The following TTN variants were observed in gnomAD, a reference collection of about 807,000 sequenced individuals.
TTN encodes titin, also known as connectin.
Under a neutral mutation model 3,223.0 loss-of-function variants are expected in TTN, and 1,525 were observed. That is an observed-to-expected ratio of 0.47 (90% CI 0.45 to 0.49). The LOEUF (loss-of-function observed/expected upper bound fraction) is 0.49. Among genes scored for constraint, TTN ranks in the 20% least tolerant of loss-of-function variants. The pLI, the probability that TTN is intolerant of heterozygous loss-of-function variation, is 0.00. For synonymous variants in TTN, 14,094 were observed against 15,161.0 expected (o/e 0.93, Z 5.17); for missense variants, 40,786 against 43,424.0 (o/e 0.94, Z 5.40).
intron 157 of TTN, 37 bp from the exon 158 acceptor site, chr2:178,669,712 A>T: frequency 6.3e-7 from 1 of 1,599,178 alleles, no homozygotes; most frequent in South Asian, 1.1e-5. Context: ...TTTTCAGAAC[A>T]TTATAGTTGG....
In TTN at chr2:178,563,678, G is replaced by T; in HGVS notation, c.82454C>A (p.Ser27485Tyr). 6.2e-7 allele frequency: 1 copy of T among 1,613,722 alleles called. No homozygotes were observed. Among genetic ancestry groups the T allele is most frequent in the Non-Finnish European group, 8.5e-7 (1 of 1,179,752 alleles). Residue 27485 changes from serine (S) to tyrosine (Y), a missense_variant, in exon 326 of 363, where the codon TCT (serine) becomes TAT (tyrosine). By Grantham distance (144) the Ser-to-Tyr change is moderately radical (BLOSUM62 -2). Coordinates refer to ENST00000589042, the MANE Select transcript of TTN (RefSeq NM_001267550.2). The surrounding 1 kb of genome is among the most constrained non-coding windows in gnomAD (Gnocchi z 4.5). Reference sequence around the variant, plus strand: ...TGGGCGTGCCCATGTTACTACCATAGAATCTTTGGTGATTGCTGAGACTTC... The same window carrying T: ...TGGGCGTGCCCATGTTACTACCATATAATCTTTGGTGATTGCTGAGACTTC... ...TPEVSAITKD[S>Y]MVVTWARPVD...
Position 178,612,821 on chromosome 2 carries a change from T to C in TTN, c.49900A>G (p.Ser16634Gly), listed in dbSNP as rs2056591982. ...GGGTCACTGGGTTCACTGGGTTCAC[T>C]TTCCCCAGCCTTATTCACAGCTCTA... ...RVRAVNKAGE[S>G]EPSEPSDPVL... is the part of the protein sequence containing the mutation. The change falls in exon 265 of 363, where the codon AGT becomes GGT. Residue 16634 changes from serine (S) to glycine (G), a missense_variant. Physicochemically the swap from Ser to Gly is moderately conservative, Grantham distance 56. Transcript: ENST00000589042. 6.2e-7 allele frequency: 1 copy of C among 1,612,414 alleles called. No individual in the cohort carries two copies. Among genetic ancestry groups the C allele is most frequent in the Non-Finnish European group, 8.5e-7 (1 of 1,179,160 alleles).
chr2:178,630,925 A>T lies in TTN; in HGVS notation c.44033T>A (p.Val14678Glu). The T allele has an allele frequency of 6.2e-7, 1 of 1,611,652 alleles. No individual in the cohort carries two copies. Among genetic ancestry groups the T allele is most frequent in the Non-Finnish European group, 8.5e-7 (1 of 1,179,156 alleles). Residue 14678 changes from valine to glutamate, a missense_variant, in exon 238 of 363, where the codon GTG becomes GAG. Physicochemically the swap from Val to Glu is moderately radical, Grantham distance 121. Coordinates refer to ENST00000589042, the MANE Select transcript of TTN (RefSeq NM_001267550.2). ...CACCTCCACACTGTGCAGGGGTCGC[A>T]CCAGTTTAATTTCCCGATCTAGAAA... ...LDIEDREIKL[V>E]RPLHSVEVME...
chr2:178,608,244 C>T lies in TTN; in HGVS notation c.52639G>A (p.Glu17547Lys). Reference protein sequence around the residue: ...GLTYVFRVCAENAAGPGKFSP... With the variant: ...GLTYVFRVCAKNAAGPGKFSP... ...AACTTTCCAGGTCCAGCTGCATTTT[C>T]AGCACATACTCTGAAGACATAGGTG... Residue 17547 changes from glutamate to lysine, a missense_variant, in exon 275 of 363, where the codon GAA becomes AAA. By Grantham distance (56) the Glu-to-Lys change is moderately conservative. Transcript: ENST00000589042. 4 of 1,607,688 alleles carry T rather than the reference C, an allele frequency of 2.5e-6. No individual in the cohort carries two copies. The highest frequency in any genetic ancestry group is 2.6e-6 in the Non-Finnish European group (3 of 1,176,414).
At chr2:178,751,150 G>A (rs747688820) in intron 47 of TTN, 6 of 1,612,602 alleles carry the variant, frequency 3.7e-6, no homozygotes, top group Non-Finnish European at 5.1e-6. Flanking sequence ...ACATAGATCT[G>A]ATTTTCATGT....
In TTN at chr2:178,568,379, G is replaced by A. The variant is rs1484655947; in HGVS notation, c.77753C>T (p.Thr25918Ile). ...ITLSWNPPLY[T>I]GGCQITNYIV... ...GTAGTTGGTGATTTGGCAGCCCCCT[G>A]TATATAATGGAGGGTTCCAAGATAA... The change falls in exon 326 of 363, where the codon ACA becomes ATA. Residue 25918 changes from threonine (T) to isoleucine (I), a missense_variant. Physicochemically the swap from Thr to Ile is moderately conservative, Grantham distance 89. Coordinates refer to ENST00000589042, the MANE Select transcript of TTN (RefSeq NM_001267550.2). The A allele has an allele frequency of 1.5e-5, 24 of 1,613,172 alleles. No homozygotes were observed. Among genetic ancestry groups the A allele is most frequent in the Non-Finnish European group, 1.9e-5 (23 of 1,179,514 alleles).
chr2:178,802,638 G>T (rs1227572073), intron 2 of TTN, among the ~76,000 whole-genome samples: 1 of 152,164 alleles, frequency 6.6e-6, no homozygotes, highest in East Asian at 1.9e-4. Context: ...CCTGCCTAGG[G>T]CTCTATCTGA....
At chr2:178,628,258 C>T (rs1375310241) in intron 240 of TTN, among the ~76,000 whole-genome samples, 2 of 152,078 alleles carry the variant, frequency 1.3e-5, no homozygotes, top group Admixed American at 1.3e-4. Flanking sequence ...CTTTCAAATA[C>T]TTCAGTCAAT....
Position 178,565,313 on chromosome 2 carries a change from T to A in TTN, c.80819A>T (p.Lys26940Ile), listed in dbSNP as rs373713790. ...TCCAAAGTCATCTTTGTTACCTTCTTTAATGTGCAAAACAGTTGAGGTAGC... is the reference window on the plus strand; with the variant it reads ...TCCAAAGTCATCTTTGTTACCTTCTATAATGTGCAAAACAGTTGAGGTAGC... Reference protein sequence around the residue: ...ETATSTVLHIKEGNKDDFGKY... With the variant: ...ETATSTVLHIIEGNKDDFGKY... The change falls in exon 326 of 363, where the codon AAA becomes ATA. Residue 26940 changes from lysine to isoleucine, a missense_variant. Transcript: ENST00000589042. 4 of 1,613,500 alleles carry A rather than the reference T, an allele frequency of 2.5e-6. No homozygotes were observed. Among genetic ancestry groups the A allele is most frequent in the Non-Finnish European group, 3.4e-6 (4 of 1,179,682 alleles).
In TTN at chr2:178,608,012, G is replaced by T; in HGVS notation, c.52775C>A (p.Pro17592His). 6.2e-7 allele frequency: 1 copy of T among 1,612,848 alleles called. No individual in the cohort carries two copies. The highest frequency in any genetic ancestry group is 2.2e-5 in the East Asian group (1 of 44,598). Reference sequence around the variant, plus strand: ...TTCCCCACCACCATTGAAAGCTGGGGGTTCCCATTCTAGTTCAATAGTTGT... The same window carrying T: ...TTCCCCACCACCATTGAAAGCTGGGTGTTCCCATTCTAGTTCAATAGTTGT... Reference protein sequence around the residue: ...SSTTIELEWEPPAFNGGGEIV... With the variant: ...SSTTIELEWEHPAFNGGGEIV... Residue 17592 changes from proline to histidine, a missense_variant, in exon 276 of 363, where the codon CCC (proline) becomes CAC (histidine). Physicochemically the swap from Pro to His is moderately conservative, Grantham distance 77 (BLOSUM62 -2). Transcript: ENST00000589042.
Position 178,608,837 on chromosome 2 carries a change from G to T in TTN, c.52174C>A (p.Pro17392Thr). 2 of 1,612,348 alleles carry T rather than the reference G, an allele frequency of 1.2e-6. No homozygotes were observed. Among genetic ancestry groups the T allele is most frequent in the South Asian group, 2.2e-5 (2 of 91,062 alleles). The part of the protein sequence containing the change: ...RKTSVLCKWE[P>T]PLDDGGSEII... The stretch of plus-strand genomic sequence containing the variant: ...TCACTGCCACCATCATCAAGGGGTG[G>T]TTCCCATTTACAAAGGACTGAGGTC... The change falls in exon 274 of 363, where the codon CCA (proline) becomes ACA (threonine). Residue 17392 changes from proline to threonine, a missense_variant. Transcript: ENST00000589042.
intron 349 of TTN, chr2:178,541,989 T>C (rs1694781011): frequency 3.1e-6 from 1 of 320,882 alleles, no homozygotes; most frequent in Non-Finnish European, 5.6e-6. Context: ...CCTTCTCTCT[T>C]TTCTTCCTTC....
At position 178,782,246 on chromosome 2, in the gene TTN, T is replaced by C. The variant is rs1254035556; in HGVS notation, c.3346A>G (p.Lys1116Glu). ...GTGGTTAGAGGAACACCAGATTTTT[T>C]CCAGTATACATGGGGCTTTGGGTTG... The part of the protein sequence containing the change: ...GGNPKPHVYW[K>E]KSGVPLTTGY... Residue 1116 changes from lysine (K) to glutamate (E), a missense_variant, in exon 20 of 363, where the codon AAA becomes GAA. Transcript: ENST00000589042. The C allele has an allele frequency of 6.2e-7, 1 of 1,614,014 alleles. No individual in the cohort carries two copies. The highest frequency in any genetic ancestry group is 2.2e-5 in the East Asian group (1 of 44,886).
intron 147 of TTN, chr2:178,676,225 T>A (rs975233403): frequency 5.5e-6 from 2 of 361,670 alleles, no homozygotes; most frequent in Non-Finnish European, 1.0e-5. Flanking sequence ...CAAAAATAAT[T>A]GCGGTTTTGA....
chr2:178,682,916 T>TA lies in TTN; in HGVS notation c.32888-14dup, dbSNP rs1381144628. 2 of 1,582,178 alleles carry TA rather than the reference T, an allele frequency of 1.3e-6. No individual in the cohort carries two copies. Among genetic ancestry groups the TA allele is most frequent in the African/African-American group, 2.7e-5 (2 of 73,776 alleles). On this transcript the variant is annotated splice_polypyrimidine_tract_variant and intron_variant, in intron 134 of 362. Transcript: ENST00000589042. ...ATTATAGTTACTTCTGAAACAATATTAACAACAGGCAGCACTTTACTTTAA... is the reference window on the plus strand; with the variant it reads ...ATTATAGTTACTTCTGAAACAATATTAAACAACAGGCAGCACTTTACTTTAA...
intron 113 of TTN, 99 bp downstream of exon 113, chr2:178,697,022 C>T: frequency 9.0e-7 from 1 of 1,114,938 alleles, no homozygotes; most frequent in Non-Finnish European, 1.3e-6. Context: ...GACTCCACAA[C>T]TTTCAATAAG....
At chr2:178,694,978 C>T in intron 115 of TTN, 72 bp from the exon 116 acceptor site, 1 of 1,115,194 alleles carries the variant, frequency 9.0e-7, no homozygotes, top group South Asian at 1.5e-5. Flanking sequence ...CTATCTCTCT[C>T]TCTCTGTGTA....
intron 281 of TTN, 149 bp downstream of exon 281, chr2:178,604,559 G>T: frequency 2.2e-6 from 2 of 893,780 alleles, no homozygotes; most frequent in Non-Finnish European, 3.3e-6. Flanking sequence ...AGCCTTATGT[G>T]TGTGGGGCTA....
rs923482521 is a variant in TTN, at chr2:178,703,527, C to T, written c.30223+620G>A. Among the ~76,000 whole-genome samples the T allele has an allele frequency of 2.0e-5, 3 of 152,104 alleles. No individual in the cohort carries two copies. In the East Asian group the frequency reaches 5.8e-4, roughly 29 times the overall value. ...GGGCACCAATAGCTGAAAGCAGATG[C>T]TATTATCATAGCCAAAATTTTTCTC... On this transcript the variant is annotated intron_variant, in intron 106 of 362. Coordinates refer to ENST00000589042, the MANE Select transcript of TTN (RefSeq NM_001267550.2).
Sources: gnomAD v4.1 joint callset for allele counts (sites outside exome capture counted in the v4.1 genomes callset) on GRCh38, gnomAD v4.1.1 for gene constraint, Gnocchi (gnomAD v3.1) non-coding constraint, MANE v1.5 for transcripts, NCBI Gene and HGNC (gene_info 2026-07-23, HGNC 2026-07-21) for gene names.